PTPRD: variants seen among roughly 807,000 people sequenced by gnomAD.
PTPRD encodes the protein receptor-type tyrosine-protein phosphatase delta.
Under a neutral mutation model 214.5 loss-of-function variants are expected in PTPRD, and 34 were observed. The ratio of observed to expected loss-of-function variants is 0.16; its 90% CI spans 0.12 to 0.21. PTPRD has a LOEUF of 0.21. Ranked by LOEUF, PTPRD falls within the 10% of genes least tolerant of loss-of-function variation. The pLI, the probability that PTPRD is intolerant of heterozygous loss-of-function variation, is 1.00. For missense variants in PTPRD, 2,545 were observed against 2,398.7 expected (o/e 1.06, Z -1.27); for synonymous variants, 1,128 against 845.7 (o/e 1.33, Z -5.79).
chr9:8,783,180 C>G (rs905641197), intron 11 of PTPRD, among the ~76,000 whole-genome samples: 1 of 151,896 alleles, frequency 6.6e-6, no homozygotes, highest in African/African-American at 2.4e-5. Context: ...ATAAAGAAAT[C>G]CATTTTAAAG....
chr9:10,004,778 G>T (rs1271843267), intron 4 of PTPRD, among the ~76,000 whole-genome samples: 2 of 152,020 alleles, frequency 1.3e-5, no homozygotes, highest in Non-Finnish European at 2.9e-5. Context: ...AGCAAACTAA[G>T]TTTACAGTAG....
At chr9:10,490,205 T>C (rs944346748) in intron 2 of PTPRD, among the ~76,000 whole-genome samples, 6 of 152,296 alleles carry the variant, frequency 3.9e-5, no homozygotes, top group African/African-American at 9.6e-5. Context: ...TTTAAATTGG[T>C]AGACAGGAGA....
chr9:9,431,449 G>T (rs891197826), intron 8 of PTPRD, among the ~76,000 whole-genome samples: 9 of 152,142 alleles, frequency 5.9e-5, no homozygotes, highest in Non-Finnish European at 8.8e-5. Flanking sequence ...CTTTTACACT[G>T]TTGGTGGGAG....
intron 5 of PTPRD, among the ~76,000 whole-genome samples, chr9:9,888,696 T>C (rs1301815932): frequency 6.6e-6 from 1 of 152,166 alleles, no homozygotes; most frequent in Non-Finnish European, 1.5e-5. Context: ...ATACAGATTC[T>C]TGTGCCATGC....
rs77402210 is a variant in PTPRD at position 9,926,182 on chromosome 9, C to T, written c.-368+12325G>A. ...ACTTCTAAATTCTACCTATCTTATA[C>T]TTACCTAATATTTTCCTAAGTCAAG... is the stretch of plus-strand genomic sequence containing the variant. On this transcript the variant is annotated intron_variant, in intron 5 of 45. Coordinates refer to ENST00000381196, the MANE Select transcript of PTPRD (RefSeq NM_002839.4). 2.8e-3 allele frequency among the ~76,000 whole-genome samples: 430 copies of T among 152,188 alleles called. 2 individuals are homozygous for T. Among genetic ancestry groups the T allele is most frequent in the African/African-American group, 9.4e-3 (391 of 41,518 alleles).
At chr9:9,772,218 C>A (rs1255604409) in intron 5 of PTPRD, among the ~76,000 whole-genome samples, 1 of 152,042 alleles carries the variant, frequency 6.6e-6, no homozygotes, top group Non-Finnish European at 1.5e-5. Flanking sequence ...CATGAAGACA[C>A]AGAGAAGACG....
Position 8,589,952 on chromosome 9 carries a change from A to G in PTPRD, c.352+43365T>C, listed in dbSNP as rs193062612. ...AAGAAAATTATGCTGGAAATAACAG[A>G]AATTGCTTGCGTTCACTTGGTCAAC... On this transcript the variant is annotated intron_variant, in intron 14 of 45. Coordinates refer to ENST00000381196, the MANE Select transcript of PTPRD (RefSeq NM_002839.4). Among the ~76,000 whole-genome samples, 122 of 152,280 alleles carry G rather than the reference A, an allele frequency of 8.0e-4. 1 individual carries two copies. Among genetic ancestry groups the G allele is most frequent in the African/African-American group, 2.9e-3 (119 of 41,562 alleles).
chr9:9,868,598 A>C (rs1323786619), intron 5 of PTPRD, among the ~76,000 whole-genome samples: 1 of 151,764 alleles, frequency 6.6e-6, no homozygotes, highest in Non-Finnish European at 1.5e-5. Context: ...GAGATAAATT[A>C]TTAAAAAAAA....
Position 8,706,851 on chromosome 9 carries a change from C to T in PTPRD, c.64+26929G>A, listed in dbSNP as rs536801864. On this transcript the variant is annotated intron_variant, in intron 12 of 45. Transcript: ENST00000381196. ...GCTTCCTGATTTCACTGCAGCATGC[C>T]TCTGAAGCAACAGCAATGTCCACAG... 3.9e-5 allele frequency among the ~76,000 whole-genome samples: 6 copies of T among 152,286 alleles called. No homozygotes were observed. The South Asian group carries it at 1.2e-3, about 32-fold the overall frequency.
chr9:9,419,117 T>A (rs181266838), intron 8 of PTPRD, among the ~76,000 whole-genome samples: 1 of 132,596 alleles, frequency 7.5e-6, no homozygotes, highest in Non-Finnish European at 1.6e-5. Flanking sequence ...ATTCTAAAGA[T>A]AGGCCCCTTA....
At chr9:10,541,222 G>T (rs531274812) in intron 2 of PTPRD, among the ~76,000 whole-genome samples, 19 of 152,232 alleles carry the variant, frequency 1.2e-4, no homozygotes, top group African/African-American at 4.3e-4. Flanking sequence ...AGAAAAGAAG[G>T]ATTGTAACAT....
chr9:9,440,900 C>T (rs1484423729), intron 8 of PTPRD, among the ~76,000 whole-genome samples: 1 of 152,054 alleles, frequency 6.6e-6, no homozygotes, highest in Non-Finnish European at 1.5e-5. Context: ...TCAGGGGCTA[C>T]CCTAGGATCA....
chr9:9,801,815 G>A (rs1040112472), intron 5 of PTPRD, among the ~76,000 whole-genome samples: 8 of 151,984 alleles, frequency 5.3e-5, no homozygotes, highest in East Asian at 1.9e-4. Context: ...TCTTTTATCC[G>A]TTGTCTATAA....
At chr9:10,338,647 T>A (rs551382288) in intron 3 of PTPRD, among the ~76,000 whole-genome samples, 2 of 151,884 alleles carry the variant, frequency 1.3e-5, no homozygotes, top group African/African-American at 4.8e-5. Flanking sequence ...ACCTTATATA[T>A]AGAATTTACT....
chr9:9,750,734 G>A (rs550768262), intron 6 of PTPRD, among the ~76,000 whole-genome samples: 1 of 152,160 alleles, frequency 6.6e-6, no homozygotes, highest in South Asian at 2.1e-4. Context: ...GATATCTTGA[G>A]GAAGGACAAC....
intron 5 of PTPRD, among the ~76,000 whole-genome samples, chr9:9,865,361 C>T (rs774398595): frequency 4.5e-4 from 69 of 152,130 alleles, no homozygotes; most frequent in Non-Finnish European, 9.3e-4. Flanking sequence ...TTAATCTATT[C>T]CCAGATTAAT....
intron 7 of PTPRD, among the ~76,000 whole-genome samples, chr9:9,663,773 T>G (rs2154381648): frequency 6.6e-6 from 1 of 151,748 alleles, no homozygotes; most frequent in South Asian, 2.1e-4. Flanking sequence ...TAAATATATG[T>G]ATATAATATA....
intron 11 of PTPRD, among the ~76,000 whole-genome samples, chr9:8,799,256 T>G (rs2096520500): frequency 6.6e-6 from 1 of 152,222 alleles, no homozygotes; most frequent in South Asian, 2.1e-4. Flanking sequence ...TCACTGTCCT[T>G]AAAGGTTTCC....
chr9:8,911,096 C>G (rs573324762), intron 11 of PTPRD, among the ~76,000 whole-genome samples: 1 of 152,154 alleles, frequency 6.6e-6, no homozygotes, highest in Non-Finnish European at 1.5e-5. Flanking sequence ...AAAATGCTGG[C>G]AGGCATGTTT....
Sources: gnomAD v4.1 joint callset for allele counts (sites outside exome capture counted in the v4.1 genomes callset) on GRCh38, gnomAD v4.1.1 for gene constraint, MANE v1.5 for transcripts, NCBI Gene and HGNC (gene_info 2026-07-23, HGNC 2026-07-21) for gene names.